The following ERCC6L variants were observed in gnomAD, a reference collection of about 807,000 sequenced individuals.
The protein encoded by ERCC6L is ERCC excision repair 6 like, spindle assembly checkpoint helicase.
ERCC6L carries 7 observed loss-of-function variants against 20.1 expected under a neutral mutation model. That is an observed-to-expected ratio of 0.35 (90% CI 0.20 to 0.65). The LOEUF (loss-of-function observed/expected upper bound fraction) is 0.65. Among genes scored for constraint, ERCC6L ranks in the 30% least tolerant of loss-of-function variants. The probability of loss-of-function intolerance (pLI) is 0.69; values close to 1 mark genes in which losing one functional copy is unlikely to be tolerated. For missense variants in ERCC6L, 592 were observed against 892.4 expected (o/e 0.66, Z 4.29); for synonymous variants, 278 against 331.3 (o/e 0.84, Z 1.75).
chrX:72,229,525 G>GA, intron 1 of ERCC6L, among the ~76,000 whole-genome samples: 1 of 111,841 alleles, frequency 8.9e-6, no homozygotes, highest in South Asian at 3.8e-4. Flanking sequence ...CCACAGGAAA[G>GA]AAAAAACACC....
chrX:72,214,532 G>A (rs2042875905), intron 1 of ERCC6L, among the ~76,000 whole-genome samples: 1 of 110,056 alleles, frequency 9.1e-6, no homozygotes, highest in Admixed American at 9.7e-5. Flanking sequence ...AATTAGCCAG[G>A]CATGGTGGCA....
intron 1 of ERCC6L, among the ~76,000 whole-genome samples, chrX:72,233,899 G>C (rs1186410427): frequency 9.3e-6 from 1 of 107,537 alleles, no homozygotes; most frequent in East Asian, 3.0e-4. Flanking sequence ...TGAATCACCT[G>C]AGGCCAGGAG....
chrX:72,224,639 G>A (rs759762397), intron 1 of ERCC6L, among the ~76,000 whole-genome samples: 19 of 111,101 alleles, frequency 1.7e-4, no homozygotes, highest in Admixed American at 2.9e-4. Context: ...CCAGCTACTC[G>A]GAGGCTGAGG....
chrX:72,205,306 T>A lies in ERCC6L; in HGVS notation c.3461A>T (p.Glu1154Val). ...EDPSGETLSS[E>V]NKSSWLMTSK... ...CGTCATTAACCAGCTGGACTTGTTTTCTGAAGACAGTGTTTCTCCGGAAGG... is the reference window on the plus strand; with the variant it reads ...CGTCATTAACCAGCTGGACTTGTTTACTGAAGACAGTGTTTCTCCGGAAGG... Residue 1154 changes from glutamate (E) to valine (V), a missense_variant, in exon 2 of 2, where the codon GAA becomes GTA. Transcript: ENST00000334463. 1 of 1,212,166 alleles carries A rather than the reference T, an allele frequency of 8.2e-7. No homozygotes were observed. Among genetic ancestry groups the A allele is most frequent in the Non-Finnish European group, 1.1e-6 (1 of 895,636 alleles).
intron 1 of ERCC6L, among the ~76,000 whole-genome samples, chrX:72,217,706 T>C (rs1230482606): frequency 1.8e-5 from 2 of 110,734 alleles, no homozygotes; most frequent in Admixed American, 9.6e-5. Flanking sequence ...ACATGAAAGC[T>C]TACTGAGCAG....
chrX:72,238,915 C>G lies in ERCC6L; in HGVS notation c.-4G>C. On this transcript the variant is annotated 5_prime_UTR_variant, in exon 1 of 2. Transcript: ENST00000334463. ...GAAACCTTCGGGATGCCTCCATGAC[C>G]CTCGGATTGGGTTCCAGTTACCCCG... 2 of 1,189,856 alleles carry G rather than the reference C, an allele frequency of 1.7e-6. No homozygotes were observed.
In ERCC6L at chrX:72,206,333, C is replaced by T. The variant is rs183569692; in HGVS notation, c.2434G>A (p.Ala812Thr). 32 of 1,208,347 alleles carry T rather than the reference C, an allele frequency of 2.6e-5. No individual in the cohort carries two copies. In the East Asian group the frequency reaches 9.2e-4, roughly 35 times the overall value. ...GKGTGSADSI[A>T]TLPKGFGSVE... is the part of the protein sequence containing the mutation. ...CTTCCAAACCCCTTTGGTAAAGTAG[C>T]TATAGAGTCAGCACTACCTGTACCT... Residue 812 changes from alanine to threonine, a missense_variant, in exon 2 of 2, where the codon GCT becomes ACT. Physicochemically the swap from Ala to Thr is moderately conservative, Grantham distance 58. Around this residue, in one of 3 missense-constraint regions of ERCC6L, gnomAD observed 352 missense variants for 402.6 expected, o/e 0.87. Transcript: ENST00000334463.
intron 1 of ERCC6L, among the ~76,000 whole-genome samples, chrX:72,221,432 C>T (rs1352241854): frequency 4.5e-5 from 5 of 110,950 alleles, no homozygotes; most frequent in South Asian, 7.7e-4. Context: ...AGAAAGAGGA[C>T]GCCGGGTCTC....
chrX:72,210,119 CT>C (rs1378266141), intron 1 of ERCC6L, among the ~76,000 whole-genome samples: 3 of 108,352 alleles, frequency 2.8e-5, no homozygotes, highest in African/African-American at 1.0e-4. Context: ...GATCCCAGCA[CT>C]TTTGGGAGGC....
At chrX:72,209,913 A>T (rs1337761899) in intron 1 of ERCC6L, among the ~76,000 whole-genome samples, 1 of 111,285 alleles carries the variant, frequency 9.0e-6, no homozygotes, top group East Asian at 2.8e-4. Flanking sequence ...CCCTACTCAT[A>T]CCATACACAA....
At chrX:72,212,674 C>T (rs778194255) in intron 1 of ERCC6L, among the ~76,000 whole-genome samples, 3 of 112,264 alleles carry the variant, frequency 2.7e-5, no homozygotes, top group Non-Finnish European at 5.6e-5. Flanking sequence ...GGAGCGGTGG[C>T]TTGAGCCTCT....
chrX:72,219,030 C>CG (rs1048791797), intron 1 of ERCC6L, among the ~76,000 whole-genome samples: 18 of 112,272 alleles, frequency 1.6e-4, no homozygotes, highest in Non-Finnish European at 3.8e-5. Context: ...CTGAGGTGGG[C>CG]GGACCACCTG....
At position 72,206,318 on chromosome X, in the gene ERCC6L, C is replaced by T. The variant is rs767335608; in HGVS notation, c.2449G>A (p.Gly817Arg). The T allele has an allele frequency of 4.1e-5, 50 of 1,207,448 alleles. No individual in the cohort carries two copies. The South Asian group carries it at 8.9e-4, about 21-fold the overall frequency. Residue 817 changes from glycine to arginine, a missense_variant, in exon 2 of 2, where the codon GGG (glycine) becomes AGG (arginine). Coordinates refer to ENST00000334463, the MANE Select transcript of ERCC6L (RefSeq NM_017669.4). ...SADSIATLPKGFGSVEELCTN... is the reference protein window; with the variant it reads ...SADSIATLPKRFGSVEELCTN... ...CAAAGTTCTTCTACACTTCCAAACC[C>T]CTTTGGTAAAGTAGCTATAGAGTCA...
At chrX:72,233,407 T>A (rs1392688033) in intron 1 of ERCC6L, among the ~76,000 whole-genome samples, 2 of 111,683 alleles carry the variant, frequency 1.8e-5, no homozygotes, top group Non-Finnish European at 3.8e-5. Flanking sequence ...GTTGTAGACC[T>A]TCTTTGGATC....
chrX:72,210,289 A>C (rs2042846877), intron 1 of ERCC6L, among the ~76,000 whole-genome samples: 1 of 110,827 alleles, frequency 9.0e-6, no homozygotes, highest in Non-Finnish European at 1.9e-5. Flanking sequence ...GACTCTCAAC[A>C]TCATTAGTTG....
intron 1 of ERCC6L, among the ~76,000 whole-genome samples, chrX:72,217,893 T>C (rs1447395472): frequency 1.8e-5 from 2 of 112,070 alleles, no homozygotes; most frequent in African/African-American, 6.5e-5. Context: ...CCACACTGTC[T>C]TGACTACTGT....
chrX:72,226,746 C>T (rs2042956070), intron 1 of ERCC6L, among the ~76,000 whole-genome samples: 1 of 111,610 alleles, frequency 9.0e-6, no homozygotes, highest in African/African-American at 3.3e-5. Flanking sequence ...AACATATCCC[C>T]TCCTTTTATC....
rs781535055 is a variant in ERCC6L, at chrX:72,205,501, G to C, written c.3266C>G (p.Ser1089Cys). 8.3e-7 allele frequency: 1 copy of C among 1,211,579 alleles called. No individual in the cohort carries two copies. The highest frequency in any genetic ancestry group is 1.1e-6 in the Non-Finnish European group (1 of 895,386). ...IPSSVNKSMNSRRSLASRRSL... is the reference protein window; with the variant it reads ...IPSSVNKSMNCRRSLASRRSL... ...CCTCCTAGAAGCCAGAGATCTTCTA[G>C]AGTTCATAGACTTATTTACACTACT... The change falls in exon 2 of 2, where the codon TCT (serine) becomes TGT (cysteine). Residue 1089 changes from serine (S) to cysteine (C), a missense_variant. Around this residue, in one of 3 missense-constraint regions of ERCC6L, gnomAD observed 352 missense variants for 402.6 expected, o/e 0.87. Coordinates refer to ENST00000334463, the MANE Select transcript of ERCC6L (RefSeq NM_017669.4).
At chrX:72,209,340 T>C (rs182398688) in intron 1 of ERCC6L, among the ~76,000 whole-genome samples, 3 of 112,114 alleles carry the variant, frequency 2.7e-5, no homozygotes, top group African/African-American at 6.5e-5. Flanking sequence ...TCTAGACCCA[T>C]ATTCCAGCTG....
Sources: allele counts gnomAD v4.1 joint callset (sites outside exome capture counted in the v4.1 genomes callset), GRCh38; gene constraint gnomAD v4.1.1; regional missense constraint gnomAD v4.1.1; transcripts MANE v1.5; gene names NCBI Gene and HGNC (gene_info 2026-07-23, HGNC 2026-07-21).